KCNK13: variants seen among roughly 807,000 people sequenced by gnomAD.
The protein encoded by KCNK13 is potassium two pore domain channel subfamily K member 13.
Under a neutral mutation model 23.4 loss-of-function variants are expected in KCNK13, and 12 were observed. That is an observed-to-expected ratio of 0.51 (90% CI 0.33 to 0.83). The LOEUF (loss-of-function observed/expected upper bound fraction) is 0.83. Ranked by LOEUF, KCNK13 falls within the 40% of genes least tolerant of loss-of-function variation. KCNK13 has a pLI of 0.02. For missense variants in KCNK13, 463 were observed against 556.3 expected (o/e 0.83, Z 1.69); for synonymous variants, 231 against 229.5 (o/e 1.01, Z -0.06).
chr14:90,121,596 T>C (rs1418858678), intron 1 of KCNK13, among the ~76,000 whole-genome samples: 1 of 152,182 alleles, frequency 6.6e-6, no homozygotes, highest in African/African-American at 2.4e-5. Context: ...ATGCTCATTA[T>C]AGAAAAAAGT....
chr14:90,104,859 G>A (rs2140408661), intron 1 of KCNK13, among the ~76,000 whole-genome samples: 1 of 143,304 alleles, frequency 7.0e-6, no homozygotes, highest in East Asian at 2.1e-4. Context: ...GCACGATCTT[G>A]GCTCACTGCA....
In KCNK13 at chr14:90,092,912, CAAAAAAAA is replaced by C. The variant is rs34122207; in HGVS notation, c.334+30388_334+30395del. Among the ~76,000 whole-genome samples the C allele has an allele frequency of 1.4e-4, 11 of 78,296 alleles. 1 individual carries two copies. The highest frequency in any genetic ancestry group is 4.4e-4 in the Admixed American group (3 of 6,774). 51.4% of individuals were successfully genotyped at this position (78,296 alleles called of 152,430 possible). A position where few individuals can be genotyped will look rare whatever the true frequency, so the allele number is the denominator to read the frequency against. ...GGATGACAGAGTGAGACCCTGTCTC[CAAAAAAAA>C]AAAAAAAAAAAAAAGCATCACGATA... On this transcript the variant is annotated intron_variant, in intron 1 of 1. Transcript: ENST00000282146.
At chr14:90,064,619 G>A (rs1888986726) in intron 1 of KCNK13, among the ~76,000 whole-genome samples, 1 of 152,086 alleles carries the variant, frequency 6.6e-6, no homozygotes, top group Non-Finnish European at 1.5e-5. Context: ...CTTGGTATCT[G>A]GCACATCAGC....
chr14:90,107,291 A>G (rs960951802), intron 1 of KCNK13, among the ~76,000 whole-genome samples: 5 of 152,118 alleles, frequency 3.3e-5, no homozygotes, highest in Admixed American at 2.6e-4. Flanking sequence ...CATCCTGGCT[A>G]ACATGGTGAA....
At chr14:90,123,910 G>A (rs565844140) in intron 1 of KCNK13, among the ~76,000 whole-genome samples, 13 of 152,230 alleles carry the variant, frequency 8.5e-5, no homozygotes, top group African/African-American at 2.9e-4. Context: ...TCACCTGGGC[G>A]GTTTTTAACA....
chr14:90,124,808 AG>A (rs1889777705), intron 1 of KCNK13, among the ~76,000 whole-genome samples: 1 of 152,272 alleles, frequency 6.6e-6, no homozygotes. Context: ...CATTTGTTGC[AG>A]CAGCAATAGA....
At chr14:90,146,085 A>C (rs941480044) in intron 1 of KCNK13, among the ~76,000 whole-genome samples, 1 of 152,116 alleles carries the variant, frequency 6.6e-6, no homozygotes, top group African/African-American at 2.4e-5. Flanking sequence ...TATAATTGCA[A>C]ATTTGTCTAT....
At chr14:90,105,996 T>C (rs1466777671) in intron 1 of KCNK13, among the ~76,000 whole-genome samples, 1 of 152,202 alleles carries the variant, frequency 6.6e-6, no homozygotes, top group East Asian at 1.9e-4. Flanking sequence ...GGCCAAGTCC[T>C]GGTTGGGTCT....
chr14:90,120,223 A>G (rs903206459), intron 1 of KCNK13, among the ~76,000 whole-genome samples: 3 of 152,146 alleles, frequency 2.0e-5, no homozygotes, highest in Admixed American at 6.5e-5. Context: ...AGCTCCATCT[A>G]TGTTCCCACA....
At chr14:90,107,826 C>A in intron 1 of KCNK13, 1 of 866,138 alleles carries the variant, frequency 1.2e-6, no homozygotes, top group Non-Finnish European at 2.0e-6. Context: ...ATCACAACCA[C>A]CAACCACACT....
Position 90,185,181 on chromosome 14 carries a change from G to T in KCNK13, c.*178G>T. The stretch of plus-strand genomic sequence containing the variant: ...CAACCAACAGCCACCTTCCAGGGAT[G>T]GGGGGCCTGAAGCCTCGATGCTTGT... On this transcript the variant is annotated 3_prime_UTR_variant, in exon 2 of 2. Transcript: ENST00000282146. 1 of 542,438 alleles carries T rather than the reference G, an allele frequency of 1.8e-6. No homozygotes were observed. The highest frequency in any genetic ancestry group is 3.2e-6 in the Non-Finnish European group (1 of 314,764). The allele number at this position is 542,438 out of a possible 1,614,324, so 33.6% of individuals were successfully genotyped here.
chr14:90,145,707 T>G (rs1029476099), intron 1 of KCNK13, among the ~76,000 whole-genome samples: 4 of 151,976 alleles, frequency 2.6e-5, no homozygotes, highest in African/African-American at 9.7e-5. Context: ...ATGTCATTTA[T>G]TAAGAGATGG....
Position 90,062,356 on chromosome 14 carries a change from C to G in KCNK13, c.151C>G (p.Gln51Glu). ...LELAHERQAK[Q>E]RWEERLANFS... The stretch of plus-strand genomic sequence containing the variant: ...GCTGGCGCACGAGCGCCAGGCCAAG[C>G]AGCGCTGGGAGGAGCGCCTGGCCAA... Residue 51 changes from glutamine to glutamate, a missense_variant, in exon 1 of 2, where the codon CAG becomes GAG. Transcript: ENST00000282146. This position sits in a 1 kb window ranked among gnomAD's most constrained non-coding sequence, Gnocchi z 4.5. 6.4e-7 allele frequency: 1 copy of G among 1,555,926 alleles called. No individual in the cohort carries two copies. The highest frequency in any genetic ancestry group is 8.7e-7 in the Non-Finnish European group (1 of 1,153,284).
chr14:90,113,873 C>T (rs1414098925), intron 1 of KCNK13, among the ~76,000 whole-genome samples: 1 of 151,914 alleles, frequency 6.6e-6, no homozygotes. Flanking sequence ...GTGGAGGTTG[C>T]AGTGAGCCAA....
intron 1 of KCNK13, among the ~76,000 whole-genome samples, chr14:90,065,964 A>C (rs2140385903): frequency 6.6e-6 from 1 of 152,194 alleles, no homozygotes; most frequent in Admixed American, 6.5e-5. Flanking sequence ...CCTTTCCAGT[A>C]CCTAATTCTC....
intron 1 of KCNK13, among the ~76,000 whole-genome samples, chr14:90,115,621 T>C (rs1430081900): frequency 6.6e-6 from 1 of 152,202 alleles, no homozygotes; most frequent in East Asian, 1.9e-4. Context: ...TGCTCAACTT[T>C]GCGACTGTAG....
intron 1 of KCNK13, among the ~76,000 whole-genome samples, chr14:90,173,623 G>C (rs538124646): frequency 4.6e-5 from 7 of 152,174 alleles, no homozygotes; most frequent in African/African-American, 1.7e-4. Flanking sequence ...TTGTTTGCAG[G>C]GCACTAAACA....
intron 1 of KCNK13, among the ~76,000 whole-genome samples, chr14:90,122,000 G>T (rs1889744802): frequency 6.6e-6 from 1 of 152,128 alleles, no homozygotes; most frequent in African/African-American, 2.4e-5. Context: ...GATTACAGGT[G>T]TGAGCCACCA....
chr14:90,120,297 T>A (rs1374469376), intron 1 of KCNK13, among the ~76,000 whole-genome samples: 1 of 152,244 alleles, frequency 6.6e-6, no homozygotes, highest in Admixed American at 6.5e-5. Context: ...TGTGTGTCTG[T>A]GCACTATTCC....
Sources: gnomAD v4.1 joint callset for allele counts (sites outside exome capture counted in the v4.1 genomes callset) on GRCh38, gnomAD v4.1.1 for gene constraint, Gnocchi (gnomAD v3.1) non-coding constraint, MANE v1.5 for transcripts, NCBI Gene and HGNC (gene_info 2026-07-23, HGNC 2026-07-21) for gene names.